RFC3: variants seen among roughly 807,000 people sequenced by gnomAD.
RFC3 encodes the protein A1 38 kDa subunit.
Under a neutral mutation model 45.1 loss-of-function variants are expected in RFC3, and 41 were observed. The ratio of observed to expected loss-of-function variants is 0.91; its 90% CI spans 0.71 to 1.18. The LOEUF (loss-of-function observed/expected upper bound fraction) is 1.18, where lower values mean the gene tolerates loss of function less well. Ranked by LOEUF, RFC3 falls within the 50% of genes most tolerant of loss-of-function variation. The pLI, the probability that RFC3 is intolerant of heterozygous loss-of-function variation, is 0.00. For missense variants in RFC3, 423 were observed against 428.1 expected, an observed-to-expected ratio of 0.99 and a Z score of 0.10; for synonymous variants, 149 against 144.0, an observed-to-expected ratio of 1.03 and a Z score of -0.25.
intron 8 of RFC3, among the ~76,000 whole-genome samples, chr13:33,891,720 T>C (rs1566018496): frequency 6.6e-6 from 1 of 150,590 alleles, no homozygotes; most frequent in Non-Finnish European, 1.5e-5. Context: ...ATATCAAACA[T>C]GTGGATGAAA....
intron 8 of RFC3, among the ~76,000 whole-genome samples, chr13:33,940,638 A>G (rs2082917146): frequency 6.6e-6 from 1 of 151,986 alleles, no homozygotes; most frequent in Non-Finnish European, 1.5e-5. Context: ...TTCAATTTCT[A>G]TTACCTTGTC....
the RFC3 span, among the ~76,000 whole-genome samples, chr13:33,974,350 G>C: frequency 6.6e-6 from 1 of 152,090 alleles, no homozygotes; most frequent in African/African-American, 2.4e-5. Flanking sequence ...ATTGTGTGTG[G>C]ACACACTGCC....
At chr13:33,829,726 A>G (rs2082083503) in intron 4 of RFC3, 110 bp from the exon 5 acceptor site, 1 of 827,592 alleles carries the variant, frequency 1.2e-6, no homozygotes, top group African/African-American at 1.7e-5. Context: ...AGAGTAGTAT[A>G]TCAGGCTTAT....
intron 8 of RFC3, among the ~76,000 whole-genome samples, chr13:33,890,539 G>A (rs2082557089): frequency 6.6e-6 from 1 of 152,168 alleles, no homozygotes; most frequent in Non-Finnish European, 1.5e-5. Context: ...GATGAAATGA[G>A]CAAAATAATT....
intron 8 of RFC3, among the ~76,000 whole-genome samples, chr13:33,874,642 A>G (rs750262410): frequency 6.6e-6 from 1 of 152,166 alleles, no homozygotes; most frequent in Non-Finnish European, 1.5e-5. Flanking sequence ...TTCCTCTCCA[A>G]ACTATCTGCT....
intron 6 of RFC3, 75 bp from the exon 7 acceptor site, chr13:33,831,181 A>G: frequency 1.1e-6 from 1 of 901,620 alleles, no homozygotes. Context: ...CGCACGGACC[A>G]GTGGTTGGGG....
At chr13:33,826,542 G>A (rs951902153) in intron 4 of RFC3, among the ~76,000 whole-genome samples, 5 of 151,880 alleles carry the variant, frequency 3.3e-5, no homozygotes, top group Admixed American at 2.0e-4. Context: ...TTGTGAATTC[G>A]CTGTACATAT....
rs561214950 is a variant in RFC3, at chr13:33,901,675, A to G, written c.880-64412A>G. On this transcript the variant is annotated intron_variant, in intron 8 of 8. Transcript: ENST00000434425. Reference sequence around the variant, plus strand: ...AATAATCTATTTTACGTTTCACGTGAGCTATAAGGGAATAATTCAAATGTT... The same window carrying G: ...AATAATCTATTTTACGTTTCACGTGGGCTATAAGGGAATAATTCAAATGTT... Among the ~76,000 whole-genome samples, 5 of 152,190 alleles carry G rather than the reference A, an allele frequency of 3.3e-5. No homozygotes were observed. The East Asian group carries it at 9.7e-4, about 29-fold the overall frequency.
intron 8 of RFC3, among the ~76,000 whole-genome samples, chr13:33,947,021 A>G (rs1016768609): frequency 3.9e-5 from 6 of 152,240 alleles, no homozygotes; most frequent in Non-Finnish European, 8.8e-5. Flanking sequence ...TGTTCATTTT[A>G]TGATGTCTTA....
intron 8 of RFC3, among the ~76,000 whole-genome samples, chr13:33,875,715 C>T (rs1300332139): frequency 6.6e-6 from 1 of 152,074 alleles, no homozygotes; most frequent in African/African-American, 2.4e-5. Flanking sequence ...AGGAAATGGG[C>T]ACTGATCCAC....
At chr13:33,976,517 T>G in the RFC3 span, among the ~76,000 whole-genome samples, 6 of 152,154 alleles carry the variant, frequency 3.9e-5, no homozygotes, top group Non-Finnish European at 5.9e-5. Context: ...AGGATAACTA[T>G]AGTTAACAAC....
intron 8 of RFC3, among the ~76,000 whole-genome samples, chr13:33,929,179 C>T (rs907543687): frequency 3.3e-5 from 5 of 151,924 alleles, no homozygotes; most frequent in African/African-American, 1.2e-4. Context: ...ACAGACATTC[C>T]CAGTCATGAG....
intron 8 of RFC3, among the ~76,000 whole-genome samples, chr13:33,890,874 C>A (rs2082559207): frequency 6.6e-6 from 1 of 152,090 alleles, no homozygotes; most frequent in African/African-American, 2.4e-5. Flanking sequence ...TCCTTTTATA[C>A]CATGCTTTCT....
chr13:33,976,812 T>C, the RFC3 span, among the ~76,000 whole-genome samples: 1 of 152,116 alleles, frequency 6.6e-6, no homozygotes, highest in African/African-American at 2.4e-5. Flanking sequence ...GGAACTTAAC[T>C]CTCCACTTTT....
chr13:33,939,406 C>T (rs961295357), intron 8 of RFC3, among the ~76,000 whole-genome samples: 1 of 152,078 alleles, frequency 6.6e-6, no homozygotes, highest in African/African-American at 2.4e-5. Context: ...CAGAGAGCTT[C>T]CAGGTGGGTG....
chr13:33,820,146 C>T lies in RFC3; in HGVS notation c.88-986C>T, dbSNP rs3135550. ...GTCACCCACTCATCTTTATAGCCTT[C>T]ATAGCACTGGTTCCCAAACCAGACT... On this transcript the variant is annotated intron_variant, in intron 1 of 8. Transcript: ENST00000380071. Among the ~76,000 whole-genome samples the T allele has an allele frequency of 7.6e-3, 1,162 of 152,328 alleles. 12 individuals carry two copies. Among genetic ancestry groups the T allele is most frequent in the African/African-American group, 0.027 (1,114 of 41,572 alleles).
chr13:33,927,709 A>G (rs1211737866), intron 8 of RFC3, among the ~76,000 whole-genome samples: 6 of 152,090 alleles, frequency 3.9e-5, no homozygotes, highest in Non-Finnish European at 8.8e-5. Context: ...CAACTTTCAC[A>G]GCTGCAACTC....
chr13:33,864,132 G>T (rs1473052292), intron 8 of RFC3, among the ~76,000 whole-genome samples: 1 of 152,030 alleles, frequency 6.6e-6, no homozygotes, highest in African/African-American at 2.4e-5. Context: ...AGAGAACGAG[G>T]GAGGAGGTGC....
At chr13:33,878,144 A>T (rs1044465183) in intron 8 of RFC3, among the ~76,000 whole-genome samples, 4 of 152,166 alleles carry the variant, frequency 2.6e-5, no homozygotes, top group African/African-American at 9.7e-5. Flanking sequence ...AGTTATTTTT[A>T]TTATTGTTCT....
Sources: allele counts gnomAD v4.1 joint callset (sites outside exome capture counted in the v4.1 genomes callset), GRCh38; gene constraint gnomAD v4.1.1; transcripts MANE v1.5; gene names NCBI Gene and HGNC (gene_info 2026-07-23, HGNC 2026-07-21).